Variants in TXNDC11 observed in about 807,000 individuals in gnomAD.
The protein encoded by TXNDC11 is thioredoxin domain containing 11, also known as thioredoxin domain-containing protein 11.
Under a neutral mutation model 78.0 loss-of-function variants are expected in TXNDC11, and 68 were observed. That is an observed-to-expected ratio of 0.87 (90% confidence interval 0.72 to 1.07). TXNDC11 has a LOEUF of 1.07. TXNDC11 is among the 50% of genes least tolerant of loss of function. TXNDC11 has a pLI of 0.00. For synonymous variants in TXNDC11, 571 were observed against 495.2 expected (o/e 1.15, Z -2.03); for missense variants, 1,389 against 1,221.8 (o/e 1.14, Z -2.04).
intron 5 of TXNDC11, among the ~76,000 whole-genome samples, chr16:11,706,499 T>C (rs747298066): frequency 6.6e-6 from 1 of 152,250 alleles, no homozygotes; most frequent in Non-Finnish European, 1.5e-5. Context: ...GATGCTAATA[T>C]TGTTTGCTGT....
chr16:11,728,676 T>C (rs1377851414), intron 4 of TXNDC11, among the ~76,000 whole-genome samples: 3 of 152,234 alleles, frequency 2.0e-5, no homozygotes. Context: ...CTGGGCATGA[T>C]GGCTCACACC....
intron 4 of TXNDC11, among the ~76,000 whole-genome samples, chr16:11,723,457 C>G (rs554382579): frequency 6.6e-6 from 1 of 151,940 alleles, no homozygotes; most frequent in African/African-American, 2.4e-5. Flanking sequence ...TGGTGGTGCA[C>G]GCCTGTAATT....
chr16:11,684,948 A>G (rs531522620), intron 10 of TXNDC11, among the ~76,000 whole-genome samples: 1 of 152,392 alleles, frequency 6.6e-6, no homozygotes, highest in South Asian at 2.1e-4. Flanking sequence ...AGTGCACACA[A>G]AAGATGAACA....
At chr16:11,690,526 G>A (rs1265845236) in intron 8 of TXNDC11, among the ~76,000 whole-genome samples, 5 of 152,156 alleles carry the variant, frequency 3.3e-5, no homozygotes, top group Admixed American at 3.3e-4. Flanking sequence ...GACAAAAAGG[G>A]AGGCAAGGCG....
chr16:11,710,035 C>A (rs1334811733), intron 5 of TXNDC11, among the ~76,000 whole-genome samples: 1 of 151,940 alleles, frequency 6.6e-6, no homozygotes, highest in African/African-American at 2.4e-5. Flanking sequence ...CCCAGCTACT[C>A]GGGAGGCTGA....
At chr16:11,703,511 C>CACACACAT (rs1445026007) in intron 5 of TXNDC11, among the ~76,000 whole-genome samples, 99 of 35,160 alleles carry the variant, frequency 2.8e-3, no homozygotes, top group Admixed American at 0.018. Context: ...GCTTTTGATA[C>CACACACAT]ACACACACAC....
intron 7 of TXNDC11, among the ~76,000 whole-genome samples, chr16:11,697,828 A>G (rs1395176706): frequency 6.6e-6 from 1 of 152,184 alleles, no homozygotes; most frequent in East Asian, 1.9e-4. Flanking sequence ...CCACATCAGA[A>G]GAGGGCATTT....
In TXNDC11 at chr16:11,688,316, A is replaced by C. The variant is rs751162597; in HGVS notation, c.2030T>G (p.Val677Gly). The C allele has an allele frequency of 3.1e-6, 5 of 1,613,736 alleles. No individual in the cohort carries two copies. In the South Asian group the frequency reaches 5.5e-5, roughly 18 times the overall value. ...ATGACTCCATACCTGTTTTTGAAGG[A>C]CTACTTCCCAAAAGGTATCAGTTGT... ...EVTTDTFWEV[V>G]LQKQDVLLLY... Residue 677 changes from valine to glycine, a missense_variant, in exon 9 of 12, where the codon GTC becomes GGC. Val to Gly is a moderately radical substitution (Grantham distance 109, BLOSUM62 -3). Coordinates refer to ENST00000283033, the MANE Select transcript of TXNDC11 (RefSeq NM_015914.7).
chr16:11,721,940 C>T (rs902045906), intron 4 of TXNDC11, among the ~76,000 whole-genome samples: 1 of 152,154 alleles, frequency 6.6e-6, no homozygotes, highest in African/African-American at 2.4e-5. Context: ...CTGAAATTTC[C>T]TTCTGTCCCC....
chr16:11,725,780 G>T (rs2051859144), intron 4 of TXNDC11, among the ~76,000 whole-genome samples: 1 of 152,210 alleles, frequency 6.6e-6, no homozygotes, highest in Admixed American at 6.5e-5. Context: ...ACAAAGTTAA[G>T]AATTTTTAGT....
At chr16:11,692,675 C>T (rs984216707) in intron 7 of TXNDC11, among the ~76,000 whole-genome samples, 10 of 152,116 alleles carry the variant, frequency 6.6e-5, no homozygotes, top group African/African-American at 1.9e-4. Flanking sequence ...GGTCTTGGAA[C>T]GTATCACCAA....
At chr16:11,704,746 G>A (rs1454885711) in intron 5 of TXNDC11, among the ~76,000 whole-genome samples, 1 of 152,072 alleles carries the variant, frequency 6.6e-6, no homozygotes, top group African/African-American at 2.4e-5. Flanking sequence ...AAAGACAGAG[G>A]ATTTGTCATA....
At chr16:11,697,954 C>T (rs901124570) in intron 7 of TXNDC11, among the ~76,000 whole-genome samples, 171 bp downstream of exon 7, 7 of 152,212 alleles carry the variant, frequency 4.6e-5, no homozygotes, top group South Asian at 2.1e-4. Context: ...GTCCTAGACA[C>T]GGGCTCTCTC....
At chr16:11,713,661 G>C (rs9931332) in intron 5 of TXNDC11, among the ~76,000 whole-genome samples, 72,266 of 151,900 alleles carry the variant, frequency 0.48, 17,490 homozygotes, top group Middle Eastern at 0.57. Flanking sequence ...GGTGATCCAT[G>C]CGCCTTGGCC....
chr16:11,740,691 G>A (rs1158733364), intron 1 of TXNDC11, among the ~76,000 whole-genome samples: 1 of 152,186 alleles, frequency 6.6e-6, no homozygotes, highest in Admixed American at 6.5e-5. Flanking sequence ...GAATCTAGGA[G>A]GTCCTGACAA....
intron 5 of TXNDC11, among the ~76,000 whole-genome samples, chr16:11,721,049 A>G (rs937658045): frequency 2.0e-5 from 3 of 151,870 alleles, no homozygotes; most frequent in Non-Finnish European, 2.9e-5. Flanking sequence ...GCCTCAAGCT[A>G]TATTTTTAAA....
chr16:11,726,475 G>A (rs762518225), intron 4 of TXNDC11, among the ~76,000 whole-genome samples: 5 of 151,306 alleles, frequency 3.3e-5, no homozygotes, highest in African/African-American at 7.3e-5. Context: ...AGCTACTCAG[G>A]AGGCTGAGGC....
chr16:11,732,774 G>A (rs1419534584), intron 3 of TXNDC11, among the ~76,000 whole-genome samples: 10 of 152,170 alleles, frequency 6.6e-5, no homozygotes, highest in Non-Finnish European at 8.8e-5. Context: ...TTACAGACAC[G>A]GAAATGGGAT....
At chr16:11,698,553 T>C (rs942753256) in intron 6 of TXNDC11, among the ~76,000 whole-genome samples, 1 of 152,254 alleles carries the variant, frequency 6.6e-6, no homozygotes, top group Non-Finnish European at 1.5e-5. Flanking sequence ...TATCGTGTGA[T>C]TCATCTTTCT....
Sources: allele counts gnomAD v4.1 joint callset (sites outside exome capture counted in the v4.1 genomes callset), GRCh38; gene constraint gnomAD v4.1.1; transcripts MANE v1.5; gene names NCBI Gene and HGNC (gene_info 2026-07-23, HGNC 2026-07-21).